Variants in TAF5L observed in about 807,000 individuals in gnomAD.
TAF5L encodes the protein TAF5-like RNA polymerase II p300/CBP-associated factor-associated factor 65 kDa subunit 5L.
A neutral mutation model predicts 51.3 loss-of-function variants in TAF5L; 7 were observed. That is an observed-to-expected ratio of 0.14 (90% CI 0.08 to 0.26). TAF5L has a LOEUF of 0.26. TAF5L is among the 10% of genes least tolerant of loss of function. TAF5L has a pLI of 1.00. For synonymous variants in TAF5L, 291 were observed against 308.1 expected (o/e 0.94, Z 0.58); for missense variants, 575 against 758.9 (o/e 0.76, Z 2.85).
intron 4 of TAF5L, chr1:229,599,345 T>G (rs1664275552): frequency 2.7e-6 from 1 of 367,738 alleles, no homozygotes. Flanking sequence ...TCAATGATTT[T>G]TAGTACATTC....
chr1:229,603,913 C>T (rs1664484412), intron 3 of TAF5L, among the ~76,000 whole-genome samples: 2 of 152,216 alleles, frequency 1.3e-5, no homozygotes, highest in Non-Finnish European at 2.9e-5. Context: ...TGAGACCAGC[C>T]CGTGTCACAG....
At chr1:229,604,617 C>T (rs1664513660) in intron 3 of TAF5L, among the ~76,000 whole-genome samples, 1 of 152,124 alleles carries the variant, frequency 6.6e-6, no homozygotes, top group Non-Finnish European at 1.5e-5. Flanking sequence ...CCTGTGATTA[C>T]AGTCGATAAA....
chr1:229,598,048 T>G (rs1664193653), intron 4 of TAF5L, among the ~76,000 whole-genome samples: 1 of 152,228 alleles, frequency 6.6e-6, no homozygotes, highest in Non-Finnish European at 1.5e-5. Flanking sequence ...GTGAGTGTAT[T>G]AGACTTGGAA....
intron 2 of TAF5L, among the ~76,000 whole-genome samples, chr1:229,611,605 C>T (rs564501667): frequency 2.9e-4 from 44 of 152,242 alleles, no homozygotes; most frequent in East Asian, 9.7e-4. Flanking sequence ...TCTTGCCCCC[C>T]GCTTAGTTAC....
At chr1:229,617,868 A>G (rs1338816511) in intron 1 of TAF5L, among the ~76,000 whole-genome samples, 1 of 152,176 alleles carries the variant, frequency 6.6e-6, no homozygotes, top group African/African-American at 2.4e-5. Context: ...CCAAACTACC[A>G]TTTATGATAA....
intron 4 of TAF5L, among the ~76,000 whole-genome samples, chr1:229,596,766 GT>G (rs1664142325): frequency 6.6e-6 from 1 of 152,142 alleles, no homozygotes; most frequent in Non-Finnish European, 1.5e-5. Flanking sequence ...ATTAAAATGG[GT>G]TTTAATTAAA....
At chr1:229,617,076 T>C (rs760581223) in intron 1 of TAF5L, among the ~76,000 whole-genome samples, 7 of 152,176 alleles carry the variant, frequency 4.6e-5, no homozygotes, top group Admixed American at 1.3e-4. Context: ...AGGTTACTTT[T>C]TAATTAAGCT....
At chr1:229,616,139 G>A (rs530036196) in intron 1 of TAF5L, among the ~76,000 whole-genome samples, 4 of 151,932 alleles carry the variant, frequency 2.6e-5, no homozygotes, top group East Asian at 1.9e-4. Context: ...TTAGACTCCC[G>A]AGTAGCTGGG....
intron 1 of TAF5L, among the ~76,000 whole-genome samples, chr1:229,622,029 C>G (rs1247447107): frequency 1.3e-5 from 1 of 74,404 alleles, no homozygotes; most frequent in Non-Finnish European, 3.0e-5. Context: ...ATCTATCTAT[C>G]TATCTATCTA....
At chr1:229,614,963 T>C (rs1049410882) in intron 1 of TAF5L, among the ~76,000 whole-genome samples, 2 of 152,234 alleles carry the variant, frequency 1.3e-5, no homozygotes, top group Non-Finnish European at 2.9e-5. Context: ...AAATAGATGT[T>C]AACAAAGCAT....
chr1:229,611,488 A>T (rs915875954), intron 2 of TAF5L, among the ~76,000 whole-genome samples: 1 of 152,118 alleles, frequency 6.6e-6, no homozygotes, highest in Admixed American at 6.5e-5. Flanking sequence ...GTAGAAAGGG[A>T]AACACAGGTG....
chr1:229,607,570 T>A, intron 3 of TAF5L: 1 of 800,352 alleles, frequency 1.2e-6, no homozygotes, highest in Non-Finnish European at 1.5e-6. Context: ...GCCTACCTCC[T>A]GCTCAGTAAA....
chr1:229,620,264 T>G (rs1665156289), intron 1 of TAF5L, among the ~76,000 whole-genome samples: 1 of 152,206 alleles, frequency 6.6e-6, no homozygotes. Context: ...TCTGGCTATA[T>G]TGCCCAGGCT....
rs1345205308 is a variant in TAF5L at position 229,625,089 on chromosome 1, T to G, written c.-4+796A>C. 1.3e-5 allele frequency among the ~76,000 whole-genome samples: 2 copies of G among 152,158 alleles called. No individual in the cohort carries two copies. The highest frequency in any genetic ancestry group is 4.8e-5 in the African/African-American group (2 of 41,418). ...TCCCAGAACCACAAAGACTGCGAGA[T>G]CCGCATTACAACGACTTTCACAACT... On this transcript the variant is annotated intron_variant, in intron 1 of 4. Transcript: ENST00000258281. This position sits in a 1 kb window ranked among gnomAD's most constrained non-coding sequence, Gnocchi z 4.0.
intron 1 of TAF5L, among the ~76,000 whole-genome samples, chr1:229,615,765 T>C (rs976518988): frequency 6.6e-6 from 1 of 152,214 alleles, no homozygotes; most frequent in African/African-American, 2.4e-5. Context: ...GGATGAATTT[T>C]GGGGTTCACT....
At chr1:229,613,449 G>T (rs1456013925) in intron 2 of TAF5L, among the ~76,000 whole-genome samples, 1 of 152,076 alleles carries the variant, frequency 6.6e-6, no homozygotes, top group African/African-American at 2.4e-5. Flanking sequence ...CTGTATCTGT[G>T]GGTTTCACAT....
chr1:229,596,205 T>C (rs868819320), intron 4 of TAF5L, among the ~76,000 whole-genome samples: 11 of 152,084 alleles, frequency 7.2e-5, no homozygotes, highest in African/African-American at 2.2e-4. Flanking sequence ...GCCTGGGAAG[T>C]TGAAGTTGCA....
At chr1:229,614,720 G>T (rs1664911123) in intron 1 of TAF5L, among the ~76,000 whole-genome samples, 1 of 152,168 alleles carries the variant, frequency 6.6e-6, no homozygotes, top group African/African-American at 2.4e-5. Context: ...AATAGGAAAA[G>T]CATCGATAAT....
At chr1:229,599,908 T>C in intron 4 of TAF5L, 2 of 985,506 alleles carry the variant, frequency 2.0e-6, no homozygotes. Context: ...GAGTGCAAGC[T>C]GGCTTTTTAA....
Sources: gnomAD v4.1 joint callset for allele counts (sites outside exome capture counted in the v4.1 genomes callset) on GRCh38, gnomAD v4.1.1 for gene constraint, Gnocchi (gnomAD v3.1) non-coding constraint, MANE v1.5 for transcripts, NCBI Gene and HGNC (gene_info 2026-07-23, HGNC 2026-07-21) for gene names.